Variants in EXOC2 observed in about 807,000 individuals in gnomAD.
EXOC2 encodes exocyst complex component 2.
Under a neutral mutation model 131.8 loss-of-function variants are expected in EXOC2, and 70 were observed. The observed-to-expected ratio is 0.53, with a 90% CI of 0.44 to 0.65. EXOC2 has a LOEUF of 0.65. Ranked by LOEUF, EXOC2 falls within the 30% of genes least tolerant of loss-of-function variation. The pLI, the probability that EXOC2 is intolerant of heterozygous loss-of-function variation, is 0.00. For missense variants in EXOC2, 923 were observed against 1,108.6 expected (o/e 0.83, Z 2.38); for synonymous variants, 411 against 398.4 (o/e 1.03, Z -0.38).
chr6:634,672 T>G (rs936998892), intron 2 of EXOC2, among the ~76,000 whole-genome samples: 3 of 152,240 alleles, frequency 2.0e-5, no homozygotes, highest in African/African-American at 7.2e-5. Flanking sequence ...TATAATTCAC[T>G]AATGTCTGCA....
chr6:514,623 G>C (rs1383659119), intron 23 of EXOC2, among the ~76,000 whole-genome samples: 1 of 152,232 alleles, frequency 6.6e-6, no homozygotes, highest in Non-Finnish European at 1.5e-5. Flanking sequence ...CTTAGGAGCT[G>C]CAGGGCGAGG....
At chr6:591,680 C>T (rs1759549622) in intron 11 of EXOC2, among the ~76,000 whole-genome samples, 1 of 152,148 alleles carries the variant, frequency 6.6e-6, no homozygotes, top group South Asian at 2.1e-4. Flanking sequence ...ATTTTGTGAG[C>T]TTGCATGAGC....
At chr6:614,350 TG>T (rs2127670377) in intron 6 of EXOC2, among the ~76,000 whole-genome samples, 1 of 152,346 alleles carries the variant, frequency 6.6e-6, no homozygotes, top group East Asian at 1.9e-4. Context: ...GGAGCTTCCT[TG>T]GCTGCAAGTA....
chr6:599,015 C>A (rs2127641118), intron 8 of EXOC2, 65 bp downstream of exon 8: 2 of 1,559,688 alleles, frequency 1.3e-6, no homozygotes, highest in East Asian at 2.3e-5. Context: ...TAAAAAACAT[C>A]TTAAAAAATC....
Position 637,697 on chromosome 6 carries a change from T to A in EXOC2, c.118+4A>T, listed in dbSNP as rs376917314. ...AGGGTGCGTCGCAGGGCCTCTGCCC[T>A]TACCTATGAGGTCGGTGGGGCCAGT... On this transcript the variant is annotated splice_donor_region_variant and intron_variant, in intron 2 of 27. Coordinates refer to ENST00000230449, the MANE Select transcript of EXOC2 (RefSeq NM_018303.6). 1 of 1,610,328 alleles carries A rather than the reference T, an allele frequency of 6.2e-7. No homozygotes were observed. Among genetic ancestry groups the A allele is most frequent in the African/African-American group, 1.3e-5 (1 of 74,674 alleles).
rs1054463840 is a variant in EXOC2 at position 677,160 on chromosome 6, G to A, written c.-44+15859C>T. ...CATTACGGAAAGGACAGCTTTCTCT[G>A]GAGACTGCGGTTCCCCATACTCTTC... On this transcript the variant is annotated intron_variant, in intron 1 of 27. Transcript: ENST00000230449. 1.6e-5 allele frequency among the ~76,000 whole-genome samples: 2 copies of A among 121,472 alleles called. 1 individual carries two copies. The highest frequency in any genetic ancestry group is 5.7e-5 in the African/African-American group (2 of 34,940). The allele number at this position is 121,472 out of a possible 152,430, so 79.7% of individuals were successfully genotyped here. A position where few individuals can be genotyped will look rare whatever the true frequency, so the allele number is the denominator to read the frequency against.
chr6:490,098 T>C (rs1763338451), intron 26 of EXOC2, among the ~76,000 whole-genome samples: 1 of 152,218 alleles, frequency 6.6e-6, no homozygotes, highest in Non-Finnish European at 1.5e-5. Flanking sequence ...AGAAATGTGA[T>C]GTAATTGTTT....
chr6:616,478 C>T (rs1289675340), intron 6 of EXOC2, among the ~76,000 whole-genome samples: 1 of 151,194 alleles, frequency 6.6e-6, no homozygotes, highest in Non-Finnish European at 1.5e-5. Flanking sequence ...TGGCGGGCGC[C>T]TGTAGTCCCA....
intron 1 of EXOC2, among the ~76,000 whole-genome samples, chr6:644,167 G>T (rs190999283): frequency 6.6e-6 from 1 of 152,178 alleles, no homozygotes; most frequent in Non-Finnish European, 1.5e-5. Flanking sequence ...ATCAAGTAGG[G>T]TTTATTCCAA....
chr6:610,969 G>A (rs560706031), intron 6 of EXOC2, among the ~76,000 whole-genome samples: 82 of 152,364 alleles, frequency 5.4e-4, no homozygotes, highest in Non-Finnish European at 8.8e-4. Context: ...TTGGAGTGAG[G>A]AGAAAGTAAT....
chr6:489,962 G>A (rs1448446404), intron 26 of EXOC2, among the ~76,000 whole-genome samples: 1 of 152,232 alleles, frequency 6.6e-6, no homozygotes, highest in Non-Finnish European at 1.5e-5. Context: ...GGTGGGGTGT[G>A]GGACGGGTGG....
Position 598,857 on chromosome 6 carries a change from T to C in EXOC2, c.970+3A>G. 1 of 1,606,680 alleles carries C rather than the reference T, an allele frequency of 6.2e-7. No homozygotes were observed. Among genetic ancestry groups the C allele is most frequent in the Non-Finnish European group, 8.5e-7 (1 of 1,176,526 alleles). ...AGATCTAAAAGTAATACATGAATCT[T>C]ACATTTCTTGAAAACTTGCACCTCC... is the stretch of plus-strand genomic sequence containing the variant. On this transcript the variant is annotated splice_donor_region_variant and intron_variant, in intron 9 of 27. Transcript: ENST00000230449.
chr6:496,741 T>G (rs1763765819), intron 25 of EXOC2, among the ~76,000 whole-genome samples: 1 of 152,230 alleles, frequency 6.6e-6, no homozygotes, highest in East Asian at 1.9e-4. Context: ...TTTTGATATT[T>G]AAGTTTACAG....
chr6:576,602 T>C (rs2127600061), intron 12 of EXOC2, among the ~76,000 whole-genome samples, 155 bp downstream of exon 12: 1 of 152,326 alleles, frequency 6.6e-6, no homozygotes, highest in South Asian at 2.1e-4. Context: ...AATTATTAAA[T>C]TACTGGTAGT....
intron 1 of EXOC2, among the ~76,000 whole-genome samples, chr6:664,736 A>G (rs1763562968): frequency 3.3e-5 from 5 of 152,344 alleles, no homozygotes; most frequent in Admixed American, 1.3e-4. Context: ...GGCTAGCCAC[A>G]TGTAGGAGAA....
intron 10 of EXOC2, among the ~76,000 whole-genome samples, chr6:594,773 T>C (rs962512297): frequency 4.6e-5 from 7 of 152,256 alleles, no homozygotes; most frequent in African/African-American, 1.7e-4. Flanking sequence ...AATTCTAGAC[T>C]CAGTTCAAAA....
intron 1 of EXOC2, among the ~76,000 whole-genome samples, chr6:641,666 T>G (rs572714606): frequency 1.3e-5 from 2 of 152,336 alleles, no homozygotes; most frequent in East Asian, 3.9e-4. Flanking sequence ...CAAGGTTACC[T>G]TGAGTTCCTC....
intron 22 of EXOC2, among the ~76,000 whole-genome samples, chr6:546,276 C>CAT (rs1296501664): frequency 2.0e-5 from 3 of 152,108 alleles, no homozygotes; most frequent in African/African-American, 7.2e-5. Context: ...AATGCATGCA[C>CAT]ATGGCAGGAC....
intron 7 of EXOC2, among the ~76,000 whole-genome samples, chr6:606,263 G>A (rs57111852): frequency 0.13 from 19,477 of 152,142 alleles, 1,372 homozygotes; most frequent in East Asian, 0.15. Context: ...ACTGAGGCCC[G>A]TCGTGGAGTT....
Sources: gnomAD v4.1 joint callset for allele counts (sites outside exome capture counted in the v4.1 genomes callset) on GRCh38, gnomAD v4.1.1 for gene constraint, MANE v1.5 for transcripts, NCBI Gene and HGNC (gene_info 2026-07-23, HGNC 2026-07-21) for gene names.